RAB3GAP2: variants seen among roughly 807,000 people sequenced by gnomAD.
The protein encoded by RAB3GAP2 is RAB3 GTPase activating non-catalytic protein subunit 2.
RAB3GAP2 carries 87 observed loss-of-function variants against 185.3 expected under a neutral mutation model. The observed-to-expected ratio is 0.47, with a 90% CI of 0.39 to 0.56. The LOEUF (loss-of-function observed/expected upper bound fraction) is 0.56, where lower values mean the gene tolerates loss of function less well. RAB3GAP2 is among the 20% of genes least tolerant of loss of function. The probability of loss-of-function intolerance (pLI) is 0.00; values close to 1 mark genes in which losing one functional copy is unlikely to be tolerated. For synonymous variants in RAB3GAP2, 554 were observed against 576.1 expected (o/e 0.96, Z 0.55); for missense variants, 1,492 against 1,638.2 (o/e 0.91, Z 1.54).
At chr1:220,240,005 A>G (rs1659660477) in intron 1 of RAB3GAP2, among the ~76,000 whole-genome samples, 1 of 151,950 alleles carries the variant, frequency 6.6e-6, no homozygotes. Flanking sequence ...AAAAAAAAAA[A>G]AAGAACACCA....
intron 27 of RAB3GAP2, among the ~76,000 whole-genome samples, chr1:220,164,113 G>A (rs533535625): frequency 2.0e-5 from 3 of 152,194 alleles, no homozygotes; most frequent in Admixed American, 6.5e-5. Flanking sequence ...GGCAGCTAAT[G>A]GAGAATATTC....
chr1:220,163,528 A>T (rs1364074490), intron 27 of RAB3GAP2, among the ~76,000 whole-genome samples: 1 of 151,314 alleles, frequency 6.6e-6, no homozygotes, highest in Non-Finnish European at 1.5e-5. Context: ...ATGCCCGGCT[A>T]ATTTTTTATA....
intron 21 of RAB3GAP2, among the ~76,000 whole-genome samples, chr1:220,180,988 T>A (rs1241233729): frequency 6.6e-6 from 1 of 152,222 alleles, no homozygotes; most frequent in Non-Finnish European, 1.5e-5. Context: ...ATGTACAGGC[T>A]TTTTTCTTGT....
intron 2 of RAB3GAP2, among the ~76,000 whole-genome samples, chr1:220,215,952 A>T (rs972828233): frequency 7.9e-5 from 12 of 152,186 alleles, no homozygotes; most frequent in Non-Finnish European, 1.5e-4. Flanking sequence ...AATTTAAAAG[A>T]TTTTAGAAAC....
At position 220,267,403 on chromosome 1, in the gene RAB3GAP2, G is replaced by C. The variant is rs148415227; in HGVS notation, c.115+4820C>G. 9.0e-5 allele frequency: 116 copies of C among 1,295,168 alleles called. No individual in the cohort carries two copies. The African/African-American group carries it at 1.5e-3, about 17-fold the overall frequency. The allele number at this position is 1,295,168 out of a possible 1,614,324, so 80.2% of individuals were successfully genotyped here. A position where few individuals can be genotyped will look rare whatever the true frequency, so the allele number is the denominator to read the frequency against. On this transcript the variant is annotated intron_variant, in intron 1 of 34. Transcript: ENST00000358951. Reference sequence around the variant, plus strand: ...TCTTCTGAGTTGATGCTCCACTCCTGCTTTCTCCAGCTGAGCTTTAAATAA... The same window carrying C: ...TCTTCTGAGTTGATGCTCCACTCCTCCTTTCTCCAGCTGAGCTTTAAATAA...
At chr1:220,157,985 C>A in intron 29 of RAB3GAP2, 109 bp from the exon 30 acceptor site, 1 of 824,696 alleles carries the variant, frequency 1.2e-6, no homozygotes, top group Non-Finnish European at 2.1e-6. Context: ...ACTTTCCACA[C>A]TGAATAGACA....
Position 220,150,141 on chromosome 1 carries a change from T to C in RAB3GAP2, c.*1110A>G, listed in dbSNP as rs953941079. Reference sequence around the variant, plus strand: ...TTTTTTTCGAGACAGGGTCTTGCTATATTGCCCAGAATGGCCTCAAACTCC... The same window carrying C: ...TTTTTTTCGAGACAGGGTCTTGCTACATTGCCCAGAATGGCCTCAAACTCC... On this transcript the variant is annotated 3_prime_UTR_variant, in exon 35 of 35. Transcript: ENST00000358951. 21 of 149,900 alleles carry C rather than the reference T, an allele frequency of 1.4e-4. No homozygotes were observed. Among genetic ancestry groups the C allele is most frequent in the African/African-American group, 4.9e-4 (20 of 40,744 alleles). The allele number at this position is 149,900 out of a possible 1,614,324, so 9.3% of individuals were successfully genotyped here. A position where few individuals can be genotyped will look rare whatever the true frequency, so the allele number is the denominator to read the frequency against.
chr1:220,253,464 C>G, intron 1 of RAB3GAP2: 1 of 1,486,958 alleles, frequency 6.7e-7, no homozygotes, highest in South Asian at 1.3e-5. Context: ...GGATGTAGAG[C>G]TGGCAGTGCC....
chr1:220,211,265 A>G, intron 4 of RAB3GAP2: 1 of 615,814 alleles, frequency 1.6e-6, no homozygotes, highest in Non-Finnish European at 3.0e-6. Context: ...ACATGAAAGT[A>G]CAGAAAGCAA....
At chr1:220,190,613 T>C (rs1202344766) in intron 14 of RAB3GAP2, 93 bp from the exon 15 acceptor site, 3 of 1,338,258 alleles carry the variant, frequency 2.2e-6, no homozygotes, top group Non-Finnish European at 2.1e-6. Context: ...CCAACATTAT[T>C]ATCAATTTAG....
intron 1 of RAB3GAP2, among the ~76,000 whole-genome samples, chr1:220,246,096 C>T (rs1659807564): frequency 6.6e-6 from 1 of 152,006 alleles, no homozygotes; most frequent in Non-Finnish European, 1.5e-5. Flanking sequence ...ACAAACAACC[C>T]CATCAAAAAG....
rs1215697051 is a variant in RAB3GAP2, at chr1:220,151,586, T to C, written c.4026+20A>G. ...AAACATCCAATGACCTTTTGCCTGATCTCGTTCTATTGTACTGACCATTGC... is the reference window on the plus strand; with the variant it reads ...AAACATCCAATGACCTTTTGCCTGACCTCGTTCTATTGTACTGACCATTGC... On this transcript the variant is annotated intron_variant, in intron 34 of 34. Transcript: ENST00000358951. The C allele has an allele frequency of 6.2e-7, 1 of 1,603,116 alleles. No individual in the cohort carries two copies. Among genetic ancestry groups the C allele is most frequent in the East Asian group, 2.2e-5 (1 of 44,828 alleles).
chr1:220,269,641 G>C (rs1424649520), intron 1 of RAB3GAP2, among the ~76,000 whole-genome samples: 1 of 152,142 alleles, frequency 6.6e-6, no homozygotes, highest in African/African-American at 2.4e-5. Flanking sequence ...AGAATTACTT[G>C]AACCCAGGAG....
intron 1 of RAB3GAP2, among the ~76,000 whole-genome samples, chr1:220,261,761 AC>A (rs1203883415): frequency 2.0e-5 from 3 of 152,164 alleles, no homozygotes; most frequent in Admixed American, 6.6e-5. Context: ...TATTTTTGCT[AC>A]ACTTTTACTT....
chr1:220,221,670 A>T (rs1229662848), intron 2 of RAB3GAP2, among the ~76,000 whole-genome samples: 1 of 152,230 alleles, frequency 6.6e-6, no homozygotes, highest in Non-Finnish European at 1.5e-5. Flanking sequence ...TACAGAAGCC[A>T]CTAATGTGCA....
chr1:220,171,807 C>A, intron 23 of RAB3GAP2, 82 bp downstream of exon 23: 1 of 1,561,706 alleles, frequency 6.4e-7, no homozygotes, highest in Non-Finnish European at 8.8e-7. Flanking sequence ...CCAAAAAACC[C>A]CCCGAAAAAC....
chr1:220,190,819 A>G (rs1159059137), intron 14 of RAB3GAP2, among the ~76,000 whole-genome samples: 1 of 152,126 alleles, frequency 6.6e-6, no homozygotes, highest in African/African-American at 2.4e-5. Flanking sequence ...CCTTCCCAGC[A>G]TAAGTAAGGG....
chr1:220,154,073 G>T lies in RAB3GAP2; in HGVS notation c.3556-16C>A, dbSNP rs1657812860. 1.2e-6 allele frequency: 2 copies of T among 1,612,740 alleles called. No homozygotes were observed. Among genetic ancestry groups the T allele is most frequent in the Non-Finnish European group, 8.5e-7 (1 of 1,179,432 alleles). ...CATTTTTTCCCTAAAAAGAAAGAGAGCAAGAAAACTGATGAGTGTGGATTA... is the reference window on the plus strand; with the variant it reads ...CATTTTTTCCCTAAAAAGAAAGAGATCAAGAAAACTGATGAGTGTGGATTA... On this transcript the variant is annotated splice_polypyrimidine_tract_variant and intron_variant, in intron 31 of 34. Coordinates refer to ENST00000358951, the MANE Select transcript of RAB3GAP2 (RefSeq NM_012414.4).
chr1:220,266,541 T>C, intron 1 of RAB3GAP2: 2 of 673,656 alleles, frequency 3.0e-6, no homozygotes, highest in Non-Finnish European at 2.7e-6. Flanking sequence ...GATGTGGAGC[T>C]TTCTGAGTAG....
Sources: allele counts gnomAD v4.1 joint callset (sites outside exome capture counted in the v4.1 genomes callset), GRCh38; gene constraint gnomAD v4.1.1; transcripts MANE v1.5; gene names NCBI Gene and HGNC (gene_info 2026-07-23, HGNC 2026-07-21).